ASTN2: variants seen among roughly 807,000 people sequenced by gnomAD.
ASTN2 encodes astrotactin-2.
In ASTN2, 54 loss-of-function variants were observed where a neutral mutation model predicts 139.8. The ratio of observed to expected loss-of-function variants is 0.39; its 90% confidence interval spans 0.31 to 0.48. The LOEUF is 0.48. ASTN2 is among the 20% of genes least tolerant of loss of function. The pLI, the probability that ASTN2 is intolerant of heterozygous loss-of-function variation, is 0.95. For synonymous variants in ASTN2, 756 were observed against 719.5 expected (o/e 1.05, Z -0.81); for missense variants, 1,565 against 1,725.1 (o/e 0.91, Z 1.64).
rs1334202893 is a variant in ASTN2 at position 116,424,874 on chromosome 9, C to A, written c.*977G>T. Among the ~76,000 whole-genome samples, 2 of 152,176 alleles carry A rather than the reference C, an allele frequency of 1.3e-5. No homozygotes were observed. Among genetic ancestry groups the A allele is most frequent in the African/African-American group, 2.4e-5 (1 of 41,450 alleles). ...AAAGTGCTAGGATTACAGGCATGAGCCACTGTGCCTGGCAAGCAAATCCCA... is the reference window on the plus strand; with the variant it reads ...AAAGTGCTAGGATTACAGGCATGAGACACTGTGCCTGGCAAGCAAATCCCA... On this transcript the variant is annotated 3_prime_UTR_variant, in exon 23 of 23. Coordinates refer to ENST00000313400, the MANE Select transcript of ASTN2 (RefSeq NM_001365068.1).
rs572177440 is a variant in ASTN2 at position 116,495,638 on chromosome 9, G to A, written c.3356-8138C>T. Among the ~76,000 whole-genome samples the A allele has an allele frequency of 1.2e-3, 187 of 152,180 alleles. 1 individual carries two copies. Among genetic ancestry groups the A allele is most frequent in the Middle Eastern group, 6.8e-3 (2 of 294 alleles). On this transcript the variant is annotated intron_variant, in intron 19 of 22. Coordinates refer to ENST00000313400, the MANE Select transcript of ASTN2 (RefSeq NM_001365068.1). ...TCCTCTCAAATACAAATCCTATGAGGTATGTTTTATGATTGCCATTTTATA... is the reference window on the plus strand; with the variant it reads ...TCCTCTCAAATACAAATCCTATGAGATATGTTTTATGATTGCCATTTTATA...
At chr9:117,320,125 G>A (rs775584179) in intron 1 of ASTN2, among the ~76,000 whole-genome samples, 1 of 152,184 alleles carries the variant, frequency 6.6e-6, no homozygotes, top group Non-Finnish European at 1.5e-5. Context: ...ATTGATCTTA[G>A]AGATTATTAT....
At chr9:116,867,991 G>A (rs1292974123) in intron 10 of ASTN2, among the ~76,000 whole-genome samples, 2 of 152,144 alleles carry the variant, frequency 1.3e-5, no homozygotes, top group Non-Finnish European at 2.9e-5. Context: ...GGATCTTAGA[G>A]CTGCCCCAAT....
intron 11 of ASTN2, among the ~76,000 whole-genome samples, chr9:116,840,952 A>C (rs1232937222): frequency 2.6e-5 from 4 of 151,076 alleles, no homozygotes; most frequent in Non-Finnish European, 5.9e-5. Flanking sequence ...CAGGCGGAGA[A>C]GCTCCTCACT....
chr9:116,984,423 A>G (rs1249482598), intron 7 of ASTN2, among the ~76,000 whole-genome samples: 2 of 152,120 alleles, frequency 1.3e-5, no homozygotes, highest in African/African-American at 4.8e-5. Flanking sequence ...TTCCAACCTT[A>G]TCAATAACTC....
At chr9:117,143,165 A>T (rs531533076) in intron 3 of ASTN2, among the ~76,000 whole-genome samples, 99 of 152,322 alleles carry the variant, frequency 6.5e-4, no homozygotes, top group African/African-American at 2.3e-3. Flanking sequence ...TTGCTAAGGT[A>T]AAAAGACAAT....
chr9:117,344,914 T>A (rs1404382072), intron 1 of ASTN2, among the ~76,000 whole-genome samples: 2 of 152,180 alleles, frequency 1.3e-5, no homozygotes, highest in African/African-American at 2.4e-5. Context: ...TTAGTTTTAT[T>A]CATTTATTTA....
intron 5 of ASTN2, among the ~76,000 whole-genome samples, chr9:117,042,775 C>T (rs769435953): frequency 5.3e-5 from 8 of 152,156 alleles, no homozygotes; most frequent in Non-Finnish European, 1.0e-4. Flanking sequence ...CACCTTAAAA[C>T]GTCAACCTAT....
At chr9:116,537,737 CAGA>C (rs1851705584) in intron 19 of ASTN2, among the ~76,000 whole-genome samples, 1 of 152,200 alleles carries the variant, frequency 6.6e-6, no homozygotes, top group African/African-American at 2.4e-5. Context: ...AGAGCTGAGG[CAGA>C]TGCCCTGTGG....
At chr9:117,288,336 G>C (rs941772682) in intron 2 of ASTN2, among the ~76,000 whole-genome samples, 1 of 152,192 alleles carries the variant, frequency 6.6e-6, no homozygotes, top group Non-Finnish European at 1.5e-5. Flanking sequence ...TGGCTGAATG[G>C]GAGCTGGTTT....
At chr9:117,022,564 A>T (rs1289806113) in intron 6 of ASTN2, among the ~76,000 whole-genome samples, 1 of 152,186 alleles carries the variant, frequency 6.6e-6, no homozygotes, top group African/African-American at 2.4e-5. Flanking sequence ...AGCATCTTCA[A>T]TGGCAACGCA....
At chr9:117,045,964 G>A in intron 5 of ASTN2, among the ~76,000 whole-genome samples, 1 of 128,194 alleles carries the variant, frequency 7.8e-6, no homozygotes, top group South Asian at 2.8e-4. Context: ...TTGTATGTAT[G>A]TATGTATGTA....
At chr9:117,108,674 G>T (rs528927427) in intron 4 of ASTN2, among the ~76,000 whole-genome samples, 2 of 152,244 alleles carry the variant, frequency 1.3e-5, no homozygotes, top group South Asian at 4.1e-4. Context: ...GGAATCCTGG[G>T]AATAGAAAGA....
At chr9:116,867,161 T>C (rs1325539667) in intron 10 of ASTN2, among the ~76,000 whole-genome samples, 2 of 150,652 alleles carry the variant, frequency 1.3e-5, no homozygotes, top group East Asian at 3.9e-4. Context: ...AATGAAAAGA[T>C]AGAATTGGAA....
intron 4 of ASTN2, among the ~76,000 whole-genome samples, chr9:117,129,642 A>C (rs1829783407): frequency 6.6e-6 from 1 of 152,122 alleles, no homozygotes; most frequent in South Asian, 2.1e-4. Flanking sequence ...TAATAGGAAG[A>C]TTTTTGTAAA....
intron 19 of ASTN2, among the ~76,000 whole-genome samples, chr9:116,597,558 G>A (rs1044775585): frequency 6.6e-6 from 1 of 151,954 alleles, no homozygotes; most frequent in African/African-American, 2.4e-5. Context: ...CCAAAGTGCT[G>A]GGATTATAGG....
intron 3 of ASTN2, among the ~76,000 whole-genome samples, chr9:117,145,038 C>T (rs7039943): frequency 0.99 from 150,653 of 152,082 alleles, 74,638 homozygotes; most frequent in East Asian, 1. Context: ...AGGTTTGTTA[C>T]GTAGGTAAAC....
At chr9:116,522,607 C>A (rs1041968475) in intron 19 of ASTN2, among the ~76,000 whole-genome samples, 1 of 152,144 alleles carries the variant, frequency 6.6e-6, no homozygotes, top group Non-Finnish European at 1.5e-5. Flanking sequence ...CAGAAATCAT[C>A]ACTAAAGAGC....
At chr9:116,849,750 G>A (rs766354047) in intron 11 of ASTN2, among the ~76,000 whole-genome samples, 16 of 152,202 alleles carry the variant, frequency 1.1e-4, no homozygotes, top group African/African-American at 2.2e-4. Flanking sequence ...GGCTGGTATC[G>A]CTTCCCCATC....
Sources: allele counts gnomAD v4.1 joint callset (sites outside exome capture counted in the v4.1 genomes callset), GRCh38; gene constraint gnomAD v4.1.1; transcripts MANE v1.5; gene names NCBI Gene and HGNC (gene_info 2026-07-23, HGNC 2026-07-21).